ASAP2: variants seen among roughly 807,000 people sequenced by gnomAD.
ASAP2 encodes the protein arf-GAP with SH3 domain, ANK repeat and PH domain-containing protein 2.
Under a neutral mutation model 131.4 loss-of-function variants are expected in ASAP2, and 45 were observed. The ratio of observed to expected loss-of-function variants is 0.34; its 90% CI spans 0.27 to 0.44. The LOEUF is 0.44. Among genes scored for constraint, ASAP2 ranks in the 20% least tolerant of loss-of-function variants. The pLI is 1.00. For missense variants in ASAP2, 1,011 were observed against 1,297.0 expected, an observed-to-expected ratio of 0.78 and a Z score of 3.39; for synonymous variants, 510 against 503.0, an observed-to-expected ratio of 1.01 and a Z score of -0.19.
At chr2:9,361,974 C>CGTGTGTGTGTGTGT (rs70948815) in intron 15 of ASAP2, among the ~76,000 whole-genome samples, 2,562 of 143,244 alleles carry the variant, frequency 0.018, 39 homozygotes, top group Middle Eastern at 0.028. Flanking sequence ...TCTTTCTCTG[C>CGTGTGTGTGTGTGT]GTGTGTGTGT....
At position 9,280,271 on chromosome 2, in the gene ASAP2, C is replaced by T. The variant is rs1667046923; in HGVS notation, c.199+882C>T. ...TCTTTAGTGAAAGGGGTGATTGGAA[C>T]AGGAGGACAGGGAGTGCCTTAGATG... is the stretch of plus-strand genomic sequence containing the variant. On this transcript the variant is annotated intron_variant, in intron 2 of 27. Transcript: ENST00000281419. Among the ~76,000 whole-genome samples, 3 of 152,272 alleles carry T rather than the reference C, an allele frequency of 2.0e-5. No homozygotes were observed. The South Asian group carries it at 6.2e-4, about 32-fold the overall frequency.
chr2:9,394,903 G>A (rs192769473), intron 24 of ASAP2, among the ~76,000 whole-genome samples: 35 of 152,308 alleles, frequency 2.3e-4, no homozygotes, highest in East Asian at 9.7e-4. Flanking sequence ...TGGGGGTTAC[G>A]GTCAGAGTCT....
intron 21 of ASAP2, among the ~76,000 whole-genome samples, chr2:9,387,989 G>C (rs1037730555): frequency 6.6e-6 from 1 of 152,172 alleles, no homozygotes; most frequent in Non-Finnish European, 1.5e-5. Context: ...GAGGGGAACC[G>C]CTGCCATGAT....
At chr2:9,320,461 A>C in intron 5 of ASAP2, 124 bp downstream of exon 5, 1 of 697,460 alleles carries the variant, frequency 1.4e-6, no homozygotes, top group Non-Finnish European at 2.4e-6. Flanking sequence ...TTTATCAGCC[A>C]TGTTGCTGTG....
Position 9,360,005 on chromosome 2 carries a change from A to G in ASAP2, c.1461+1116A>G, listed in dbSNP as rs1019261414. On this transcript the variant is annotated intron_variant, in intron 15 of 27. Coordinates refer to ENST00000281419, the MANE Select transcript of ASAP2 (RefSeq NM_003887.3). Reference sequence around the variant, plus strand: ...GCAATTATTGTTCATGTAATAATGCACGTAACCTACAGCTTAGAGAGGTGC... The same window carrying G: ...GCAATTATTGTTCATGTAATAATGCGCGTAACCTACAGCTTAGAGAGGTGC... 1.3e-5 allele frequency among the ~76,000 whole-genome samples: 2 copies of G among 152,234 alleles called. 1 individual carries two copies. The highest frequency in any genetic ancestry group is 4.1e-4 in the South Asian group (2 of 4,834).
intron 3 of ASAP2, among the ~76,000 whole-genome samples, chr2:9,299,651 G>A (rs533722044): frequency 1.3e-5 from 2 of 152,330 alleles, no homozygotes; most frequent in Non-Finnish European, 2.9e-5. Context: ...GGCCTAGAAA[G>A]CAGCCAGCCC....
chr2:9,338,347 ATC>A (rs372489671), intron 9 of ASAP2, among the ~76,000 whole-genome samples: 18 of 146,806 alleles, frequency 1.2e-4, no homozygotes, highest in Admixed American at 3.4e-4. Context: ...GTCTGTCTCT[ATC>A]TCTCTCTCTC....
chr2:9,254,668 C>G (rs1290977791), intron 1 of ASAP2, among the ~76,000 whole-genome samples: 1 of 151,108 alleles, frequency 6.6e-6, no homozygotes, highest in Non-Finnish European at 1.5e-5. Flanking sequence ...GCCACCGTCC[C>G]CGGCCTATAA....
At chr2:9,263,614 A>G (rs1024049719) in intron 1 of ASAP2, among the ~76,000 whole-genome samples, 2 of 152,306 alleles carry the variant, frequency 1.3e-5, no homozygotes, top group African/African-American at 4.8e-5. Context: ...GGGCGCTCCC[A>G]CCGAAGCCTC....
intron 1 of ASAP2, among the ~76,000 whole-genome samples, chr2:9,242,512 T>C (rs1664043534): frequency 1.3e-5 from 2 of 152,246 alleles, no homozygotes; most frequent in Non-Finnish European, 2.9e-5. Context: ...GGATGGGCAC[T>C]TGCGGTGCCC....
chr2:9,353,607 A>G (rs908408559), intron 12 of ASAP2, among the ~76,000 whole-genome samples: 1 of 151,458 alleles, frequency 6.6e-6, no homozygotes, highest in African/African-American at 2.4e-5. Flanking sequence ...AGGCACATGC[A>G]TTGAGGCAGT....
rs537733852 is a variant in ASAP2 at position 9,207,491 on chromosome 2, C to T, written c.126+261C>T. ...GGGTTCCGCGGCCTGGTCTTTTCCC[C>T]GCAGCGCGGCCAACTTTGTCCAGAG... On this transcript the variant is annotated intron_variant, in intron 1 of 27. Transcript: ENST00000281419. This position sits in a 1 kb window ranked among gnomAD's most constrained non-coding sequence, Gnocchi z 4.1. Among the ~76,000 whole-genome samples, 2 of 152,098 alleles carry T rather than the reference C, an allele frequency of 1.3e-5. No individual in the cohort carries two copies. The highest frequency in any genetic ancestry group is 4.1e-4 in the South Asian group (2 of 4,836).
intron 1 of ASAP2, among the ~76,000 whole-genome samples, chr2:9,278,497 A>T (rs1483753875): frequency 6.8e-6 from 1 of 147,424 alleles, no homozygotes; most frequent in African/African-American, 2.5e-5. Context: ...TGGGTGACAG[A>T]GCGAGACCCC....
chr2:9,280,807 T>C (rs1667084070), intron 2 of ASAP2, among the ~76,000 whole-genome samples: 1 of 152,232 alleles, frequency 6.6e-6, no homozygotes, highest in Non-Finnish European at 1.5e-5. Flanking sequence ...ATGATAGTTT[T>C]GATTTTTTTG....
intron 14 of ASAP2, among the ~76,000 whole-genome samples, chr2:9,357,631 A>G (rs1485197092): frequency 1.3e-5 from 2 of 152,182 alleles, no homozygotes; most frequent in Non-Finnish European, 2.9e-5. Context: ...AAAGGTATGT[A>G]CTCATTATTT....
chr2:9,340,338 T>C (rs955152550), intron 9 of ASAP2, among the ~76,000 whole-genome samples: 2 of 152,204 alleles, frequency 1.3e-5, no homozygotes, highest in Admixed American at 1.3e-4. Context: ...TCTGCAACTT[T>C]ATTCTGTGAG....
intron 9 of ASAP2, among the ~76,000 whole-genome samples, chr2:9,335,855 T>C (rs1671169780): frequency 6.6e-6 from 1 of 152,218 alleles, no homozygotes; most frequent in African/African-American, 2.4e-5. Context: ...ATCCATTTCC[T>C]TGTTAATAAA....
At chr2:9,363,270 T>A (rs568885694) in intron 15 of ASAP2, among the ~76,000 whole-genome samples, 2 of 152,346 alleles carry the variant, frequency 1.3e-5, no homozygotes, top group Admixed American at 1.3e-4. Context: ...GGTGAAGACG[T>A]GTCTTCAACA....
At position 9,217,740 on chromosome 2, in the gene ASAP2, G is replaced by A. The variant is rs890334338; in HGVS notation, c.126+10510G>A. Among the ~76,000 whole-genome samples the A allele has an allele frequency of 3.3e-5, 5 of 151,448 alleles. No homozygotes were observed. Among genetic ancestry groups the A allele is most frequent in the East Asian group, 3.9e-4 (2 of 5,142 alleles). ...CGCCATTCTTCTGTCTCCGCCTCCC[G>A]AGTAGCTGGGACTACAGGCGCCTGC... On this transcript the variant is annotated intron_variant, in intron 1 of 27. Coordinates refer to ENST00000281419, the MANE Select transcript of ASAP2 (RefSeq NM_003887.3). This position sits in a 1 kb window ranked among gnomAD's most constrained non-coding sequence, Gnocchi z 4.0.
Sources: allele counts gnomAD v4.1 joint callset (sites outside exome capture counted in the v4.1 genomes callset), GRCh38; gene constraint gnomAD v4.1.1; non-coding constraint Gnocchi (gnomAD v3.1); transcripts MANE v1.5; gene names NCBI Gene and HGNC (gene_info 2026-07-23, HGNC 2026-07-21).